ACOXL: variants seen among roughly 807,000 people sequenced by gnomAD.
The protein encoded by ACOXL is acyl-CoA oxidase like, also known as acyl-coenzyme A oxidase-like protein.
In ACOXL, 70 loss-of-function variants were observed where a neutral mutation model predicts 71.9. The ratio of observed to expected loss-of-function variants is 0.97; its 90% confidence interval spans 0.80 to 1.19. The LOEUF is 1.19. Ranked by LOEUF, ACOXL falls within the 50% of genes most tolerant of loss-of-function variation. ACOXL has a pLI of 0.00. For missense variants in ACOXL, 703 were observed against 736.3 expected, an observed-to-expected ratio of 0.95 and a Z score of 0.52; for synonymous variants, 253 against 281.6, an observed-to-expected ratio of 0.90 and a Z score of 1.02.
At chr2:111,116,434 C>T (rs1017362513) in intron 17 of ACOXL, among the ~76,000 whole-genome samples, 1 of 152,278 alleles carries the variant, frequency 6.6e-6, no homozygotes, top group South Asian at 2.1e-4. Flanking sequence ...TATCCCTACC[C>T]TCTATATTCC....
At chr2:110,975,614 CA>C (rs779520281) in intron 12 of ACOXL, among the ~76,000 whole-genome samples, 8 of 151,860 alleles carry the variant, frequency 5.3e-5, no homozygotes, top group Admixed American at 3.3e-4. Context: ...GAAAAATCAA[CA>C]GCGTGAAAAA....
At chr2:110,913,231 T>A (rs11899663) in intron 11 of ACOXL, among the ~76,000 whole-genome samples, 1 of 152,134 alleles carries the variant, frequency 6.6e-6, no homozygotes, top group Non-Finnish European at 1.5e-5. Context: ...TTGCCATATA[T>A]CTCAGCGCTT....
intron 10 of ACOXL, among the ~76,000 whole-genome samples, chr2:110,880,115 A>G (rs571099344): frequency 6.8e-6 from 1 of 147,738 alleles, no homozygotes; most frequent in East Asian, 2.0e-4. Context: ...ACTGCACTGC[A>G]TTCCAGCCTG....
chr2:110,908,184 A>G (rs939180989), intron 10 of ACOXL, among the ~76,000 whole-genome samples: 3 of 152,232 alleles, frequency 2.0e-5, no homozygotes, highest in Non-Finnish European at 4.4e-5. Flanking sequence ...CACTTTAAAA[A>G]TTGTTCCAAG....
intron 10 of ACOXL, chr2:110,886,910 C>T (rs1558676408): frequency 7.9e-6 from 12 of 1,526,192 alleles, no homozygotes; most frequent in Non-Finnish European, 1.1e-5. Flanking sequence ...TGAAATCAGC[C>T]ACTTAACTGT....
At chr2:111,071,284 G>T (rs924700023) in intron 16 of ACOXL, among the ~76,000 whole-genome samples, 1 of 152,102 alleles carries the variant, frequency 6.6e-6, no homozygotes, top group Admixed American at 6.6e-5. Context: ...CCCCATTCAG[G>T]TTAAGTATAA....
At chr2:110,739,451 A>T (rs1236398960) in intron 1 of ACOXL, among the ~76,000 whole-genome samples, 1 of 152,208 alleles carries the variant, frequency 6.6e-6, no homozygotes, top group African/African-American at 2.4e-5. Context: ...TTGCATTTGT[A>T]TACCTGATTT....
intron 9 of ACOXL, among the ~76,000 whole-genome samples, chr2:110,813,640 C>G (rs1687599378): frequency 6.6e-6 from 1 of 152,204 alleles, no homozygotes; most frequent in African/African-American, 2.4e-5. Flanking sequence ...ACTTGATAGT[C>G]CATGTAGCAT....
intron 16 of ACOXL, among the ~76,000 whole-genome samples, chr2:111,055,242 A>G (rs2149854153): frequency 6.6e-6 from 1 of 152,258 alleles, no homozygotes; most frequent in African/African-American, 2.4e-5. Context: ...ACGGCAACCC[A>G]AGTGTCTAAG....
intron 14 of ACOXL, among the ~76,000 whole-genome samples, chr2:111,027,189 C>T (rs1337145312): frequency 3.3e-5 from 5 of 152,058 alleles, no homozygotes; most frequent in African/African-American, 1.2e-4. Context: ...AGCCACCACG[C>T]CTGGGCCATC....
chr2:110,923,333 A>G (rs545597968), intron 11 of ACOXL, among the ~76,000 whole-genome samples: 10 of 151,248 alleles, frequency 6.6e-5, no homozygotes, highest in South Asian at 2.1e-4. Flanking sequence ...TTTTTTCTCT[A>G]CTAAGGGTGT....
At chr2:111,095,243 A>C (rs2068741584) in intron 17 of ACOXL, among the ~76,000 whole-genome samples, 2 of 151,316 alleles carry the variant, frequency 1.3e-5, no homozygotes, top group Non-Finnish European at 2.9e-5. Flanking sequence ...AAAAACCTAC[A>C]TAAGGGAAGA....
rs12999219 is a variant in ACOXL at position 110,901,673 on chromosome 2, C to T, written c.789-7116C>T. Among the ~76,000 whole-genome samples, 6 of 139,522 alleles carry T rather than the reference C, an allele frequency of 4.3e-5. 1 individual carries two copies. The highest frequency in any genetic ancestry group is 1.4e-4 in the Admixed American group (2 of 13,828). 91.5% of individuals were successfully genotyped at this position (139,522 alleles called of 152,430 possible). A position where few individuals can be genotyped will look rare whatever the true frequency, so the allele number is the denominator to read the frequency against. On this transcript the variant is annotated intron_variant, in intron 10 of 17. Coordinates refer to ENST00000439055, the MANE Select transcript of ACOXL (RefSeq NM_001142807.4). ...ACACACACACACACACACACACACACATATACACTCACTTACACACACACA... is the reference window on the plus strand; with the variant it reads ...ACACACACACACACACACACACACATATATACACTCACTTACACACACACA...
intron 11 of ACOXL, among the ~76,000 whole-genome samples, chr2:110,915,633 G>A (rs934173780): frequency 6.6e-6 from 1 of 151,354 alleles, no homozygotes; most frequent in Non-Finnish European, 1.5e-5. Context: ...TCACCATGCT[G>A]GCCAGGCTGG....
chr2:110,964,147 A>G (rs993215146), intron 12 of ACOXL, among the ~76,000 whole-genome samples: 1 of 152,142 alleles, frequency 6.6e-6, no homozygotes, highest in Non-Finnish European at 1.5e-5. Flanking sequence ...TGAAGTCCCC[A>G]TGTTGGCACA....
intron 10 of ACOXL, among the ~76,000 whole-genome samples, chr2:110,843,555 T>A (rs1559334118): frequency 6.6e-6 from 1 of 152,222 alleles, no homozygotes; most frequent in East Asian, 1.9e-4. Flanking sequence ...GCTTCTGTAG[T>A]TCTACTAGTT....
At chr2:110,959,732 A>T (rs540752101) in intron 12 of ACOXL, among the ~76,000 whole-genome samples, 1 of 152,162 alleles carries the variant, frequency 6.6e-6, no homozygotes, top group African/African-American at 2.4e-5. Flanking sequence ...CAGGATCAGC[A>T]TTCAGCACCC....
chr2:110,889,718 C>A (rs931047173), intron 10 of ACOXL, among the ~76,000 whole-genome samples: 1 of 152,152 alleles, frequency 6.6e-6, no homozygotes, highest in African/African-American at 2.4e-5. Context: ...TATACCTATA[C>A]CACATTTTAT....
intron 12 of ACOXL, among the ~76,000 whole-genome samples, chr2:110,934,324 C>T (rs1050694946): frequency 6.6e-6 from 1 of 152,110 alleles, no homozygotes; most frequent in Non-Finnish European, 1.5e-5. Flanking sequence ...CATGGTGGCA[C>T]GGCAGGACTG....
Sources: gnomAD v4.1 joint callset for allele counts (sites outside exome capture counted in the v4.1 genomes callset) on GRCh38, gnomAD v4.1.1 for gene constraint, MANE v1.5 for transcripts, NCBI Gene and HGNC (gene_info 2026-07-23, HGNC 2026-07-21) for gene names.